ATP2B2: variants seen among roughly 807,000 people sequenced by gnomAD.
The protein encoded by ATP2B2 is plasma membrane calcium-transporting ATPase 2.
Under a neutral mutation model 120.0 loss-of-function variants are expected in ATP2B2, and 15 were observed. That is an observed-to-expected ratio of 0.12 (90% CI 0.08 to 0.19). The LOEUF is 0.19. ATP2B2 is among the 10% of genes least tolerant of loss of function. ATP2B2 has a pLI of 1.00. For missense variants in ATP2B2, 1,045 were observed against 1,719.8 expected (o/e 0.61, Z 6.94); for synonymous variants, 694 against 700.3 (o/e 0.99, Z 0.14).
intron 1 of ATP2B2, among the ~76,000 whole-genome samples, chr3:10,632,738 G>A (rs2069901790): frequency 6.6e-6 from 1 of 152,224 alleles, no homozygotes; most frequent in Non-Finnish European, 1.5e-5. Flanking sequence ...TCCTCTGCAG[G>A]TGGCTCTGGG....
intron 2 of ATP2B2, among the ~76,000 whole-genome samples, chr3:10,542,739 T>G (rs946178105): frequency 1.3e-5 from 2 of 152,248 alleles, no homozygotes; most frequent in African/African-American, 4.8e-5. Context: ...GGTGAGATGT[T>G]CTTTCTCACT....
At chr3:10,467,968 G>A (rs1002543416) in intron 1 of ATP2B2, among the ~76,000 whole-genome samples, 1 of 152,200 alleles carries the variant, frequency 6.6e-6, no homozygotes, top group African/African-American at 2.4e-5. Context: ...CAAGGTCACA[G>A]AGCCAGGGAA....
intron 22 of ATP2B2, among the ~76,000 whole-genome samples, chr3:10,331,596 G>A (rs1044059130): frequency 6.6e-6 from 1 of 151,506 alleles, no homozygotes; most frequent in African/African-American, 2.4e-5. Context: ...GGGACACCCC[G>A]CCACGGCCAT....
intron 3 of ATP2B2, among the ~76,000 whole-genome samples, chr3:10,525,618 T>G (rs541531149): frequency 9.8e-5 from 15 of 152,296 alleles, no homozygotes; most frequent in South Asian, 4.2e-4. Flanking sequence ...TTGTATTTAG[T>G]CACCATGTCT....
intron 2 of ATP2B2, among the ~76,000 whole-genome samples, chr3:10,412,940 C>G (rs1476310369): frequency 6.6e-6 from 1 of 152,220 alleles, no homozygotes; most frequent in Non-Finnish European, 1.5e-5. Context: ...GAGGGGCACA[C>G]ACCCCTCATC....
intron 2 of ATP2B2, among the ~76,000 whole-genome samples, chr3:10,612,292 C>T (rs2069261311): frequency 6.6e-6 from 1 of 152,332 alleles, no homozygotes; most frequent in South Asian, 2.1e-4. Flanking sequence ...GCTTTTGTCA[C>T]CTCTCCTTTC....
intron 22 of ATP2B2, chr3:10,332,192 T>C (rs904327183): frequency 1.0e-5 from 7 of 698,100 alleles, no homozygotes; most frequent in Non-Finnish European, 1.8e-5. Flanking sequence ...GTTGTCTTCA[T>C]TTCTCCCCCT....
At chr3:10,609,577 C>T (rs1258585476) in intron 2 of ATP2B2, among the ~76,000 whole-genome samples, 1 of 152,178 alleles carries the variant, frequency 6.6e-6, no homozygotes, top group Non-Finnish European at 1.5e-5. Context: ...GGTTGGGCAG[C>T]GGGAGATCCT....
intron 1 of ATP2B2, among the ~76,000 whole-genome samples, chr3:10,453,195 C>A (rs1206836255): frequency 6.6e-6 from 1 of 152,174 alleles, no homozygotes; most frequent in African/African-American, 2.4e-5. Context: ...CATCTCCCAG[C>A]TGAATGGGAA....
At chr3:10,374,118 G>A (rs186396182) in intron 11 of ATP2B2, among the ~76,000 whole-genome samples, 3 of 152,302 alleles carry the variant, frequency 2.0e-5, no homozygotes, top group Admixed American at 6.5e-5. Context: ...GATACGAACT[G>A]CAGAAGGCGC....
chr3:10,628,137 A>T (rs1043266600), intron 1 of ATP2B2, among the ~76,000 whole-genome samples: 1 of 152,208 alleles, frequency 6.6e-6, no homozygotes, highest in African/African-American at 2.4e-5. Context: ...GCCTCACAGG[A>T]AGCTAGAGAC....
intron 1 of ATP2B2, among the ~76,000 whole-genome samples, chr3:10,679,215 G>T (rs1418197921): frequency 1.3e-5 from 2 of 152,192 alleles, no homozygotes; most frequent in African/African-American, 4.8e-5. Context: ...CTGCACTATG[G>T]TGTATGGAAA....
chr3:10,699,473 A>G (rs1330448197), intron 1 of ATP2B2, among the ~76,000 whole-genome samples: 2 of 152,262 alleles, frequency 1.3e-5, no homozygotes, highest in Non-Finnish European at 2.9e-5. Context: ...TCAATCATAG[A>G]GAAATGTCTG....
intron 1 of ATP2B2, among the ~76,000 whole-genome samples, chr3:10,492,109 T>G (rs2065955243): frequency 6.6e-6 from 1 of 152,228 alleles, no homozygotes; most frequent in African/African-American, 2.4e-5. Flanking sequence ...TTCAAATGAC[T>G]GTAGTTTAAA....
At position 10,337,544 on chromosome 3, in the gene ATP2B2, G is replaced by A. The variant is rs745965955; in HGVS notation, c.3420+632C>T. 8.9e-4 allele frequency among the ~76,000 whole-genome samples: 135 copies of A among 152,278 alleles called. 1 individual carries two copies. The highest frequency in any genetic ancestry group is 1.5e-3 in the Non-Finnish European group (100 of 67,990). On this transcript the variant is annotated intron_variant, in intron 22 of 22. Coordinates refer to ENST00000360273, the MANE Select transcript of ATP2B2 (RefSeq NM_001001331.4). ...GGCGCGCAGGTGTGTCGTGTGCCACGTGGCAGCCATGCTCTCTCTGCTCTG... is the reference window on the plus strand; with the variant it reads ...GGCGCGCAGGTGTGTCGTGTGCCACATGGCAGCCATGCTCTCTCTGCTCTG...
chr3:10,428,823 G>A (rs3774140), intron 2 of ATP2B2, among the ~76,000 whole-genome samples: 9,970 of 152,224 alleles, frequency 0.065, 596 homozygotes, highest in East Asian at 0.3. Flanking sequence ...AGAGGCCTTC[G>A]CCCAGGTCTG....
chr3:10,365,084 G>A (rs1004977630), intron 12 of ATP2B2, among the ~76,000 whole-genome samples: 27 of 152,198 alleles, frequency 1.8e-4, no homozygotes, highest in African/African-American at 5.6e-4. Flanking sequence ...AACTGAGGCC[G>A]GGAGAGGCAA....
intron 2 of ATP2B2, among the ~76,000 whole-genome samples, chr3:10,560,800 C>T (rs995762706): frequency 3.9e-5 from 6 of 152,142 alleles, no homozygotes; most frequent in Non-Finnish European, 4.4e-5. Flanking sequence ...CATTGACGGC[C>T]CTCCTGCAGT....
chr3:10,353,954 C>T (rs1288221623), intron 14 of ATP2B2, among the ~76,000 whole-genome samples: 34 of 152,174 alleles, frequency 2.2e-4, no homozygotes, highest in Admixed American at 2.2e-3. Context: ...ACAGGATGGG[C>T]ACGTGCACAC....
Sources: allele counts gnomAD v4.1 joint callset (sites outside exome capture counted in the v4.1 genomes callset), GRCh38; gene constraint gnomAD v4.1.1; transcripts MANE v1.5; gene names NCBI Gene and HGNC (gene_info 2026-07-23, HGNC 2026-07-21).